Variants in MAGI2 observed in about 807,000 individuals in gnomAD.
MAGI2 encodes membrane-associated guanylate kinase, WW and PDZ domain-containing protein 2.
Under a neutral mutation model 133.3 loss-of-function variants are expected in MAGI2, and 35 were observed. The ratio of observed to expected loss-of-function variants is 0.26; its 90% CI spans 0.20 to 0.35. MAGI2 has a LOEUF of 0.35. MAGI2 is among the 10% of genes least tolerant of loss of function. The pLI is 1.00. For synonymous variants in MAGI2, 729 were observed against 710.6 expected (o/e 1.03, Z -0.41); for missense variants, 1,636 against 1,863.4 (o/e 0.88, Z 2.25).
At chr7:78,196,951 G>A (rs1828797346) in intron 11 of MAGI2, among the ~76,000 whole-genome samples, 1 of 152,212 alleles carries the variant, frequency 6.6e-6, no homozygotes, top group South Asian at 2.1e-4. Context: ...GCCAGTGGCA[G>A]ATCCTGGGTC....
rs10229592 is a variant in MAGI2 at position 78,870,063 on chromosome 7, T to C, written c.418+137027A>G. ...TTTGTTCTTTTTGCTTAGTCTTTCT[T>C]TGGCTGTGTGGGGTCTTTTTAGCTA... On this transcript the variant is annotated intron_variant, in intron 2 of 21. Transcript: ENST00000354212. 7.7e-3 allele frequency among the ~76,000 whole-genome samples: 1,170 copies of C among 152,210 alleles called. 20 individuals carry two copies. The highest frequency in any genetic ancestry group is 0.027 in the African/African-American group (1,105 of 41,514).
At chr7:78,478,543 T>C (rs945163323) in intron 6 of MAGI2, among the ~76,000 whole-genome samples, 6 of 152,028 alleles carry the variant, frequency 3.9e-5, no homozygotes, top group Admixed American at 3.9e-4. Context: ...GAGATAATGT[T>C]ACGTGAGAAT....
chr7:79,320,857 C>T (rs1207152078), intron 1 of MAGI2, among the ~76,000 whole-genome samples: 3 of 151,994 alleles, frequency 2.0e-5, no homozygotes, highest in Admixed American at 6.6e-5. Context: ...TTACTACAGA[C>T]CCAAGGCATT....
At chr7:78,649,735 T>A (rs145393862) in intron 2 of MAGI2, among the ~76,000 whole-genome samples, 400 of 152,236 alleles carry the variant, frequency 2.6e-3, no homozygotes, top group Non-Finnish European at 4.6e-3. Context: ...GTTATAGGTA[T>A]CAGGTCATAC....
intron 6 of MAGI2, among the ~76,000 whole-genome samples, chr7:78,404,725 T>G (rs1302010445): frequency 6.6e-6 from 1 of 151,958 alleles, no homozygotes; most frequent in African/African-American, 2.4e-5. Flanking sequence ...CCTAGAAGAA[T>G]ACCTAGGCAA....
chr7:79,402,206 T>C (rs746240778), intron 1 of MAGI2, among the ~76,000 whole-genome samples: 1 of 152,142 alleles, frequency 6.6e-6, no homozygotes, highest in Non-Finnish European at 1.5e-5. Context: ...TAAGATTATG[T>C]TTTAATGAAA....
At chr7:79,335,353 A>C (rs1359165683) in intron 1 of MAGI2, among the ~76,000 whole-genome samples, 1 of 152,082 alleles carries the variant, frequency 6.6e-6, no homozygotes, top group African/African-American at 2.4e-5. Context: ...AAAGGGAAAA[A>C]ATGCCTGCTG....
At chr7:78,538,950 A>T (rs1798186660) in intron 3 of MAGI2, among the ~76,000 whole-genome samples, 1 of 152,264 alleles carries the variant, frequency 6.6e-6, no homozygotes, top group South Asian at 2.1e-4. Flanking sequence ...AACATTGAAT[A>T]TAAGTGGCCT....
At chr7:79,098,098 G>A (rs1584923498) in intron 1 of MAGI2, among the ~76,000 whole-genome samples, 1 of 152,146 alleles carries the variant, frequency 6.6e-6, no homozygotes, top group Admixed American at 6.5e-5. Context: ...CTCCAGCCTG[G>A]GTGACAGAGA....
At chr7:78,056,638 G>C (rs1272222179) in intron 21 of MAGI2, among the ~76,000 whole-genome samples, 3 of 152,046 alleles carry the variant, frequency 2.0e-5, no homozygotes, top group South Asian at 2.1e-4. Context: ...GACAAATTGA[G>C]GGGGGAACAA....
chr7:78,639,967 C>T (rs143504683), intron 2 of MAGI2, among the ~76,000 whole-genome samples: 42 of 152,216 alleles, frequency 2.8e-4, no homozygotes, highest in Middle Eastern at 6.8e-3. Context: ...GATAAAAAAG[C>T]GGGGGTGCAG....
At chr7:78,385,907 C>A (rs1237390875) in intron 6 of MAGI2, among the ~76,000 whole-genome samples, 1 of 152,144 alleles carries the variant, frequency 6.6e-6, no homozygotes, top group Non-Finnish European at 1.5e-5. Flanking sequence ...ATATGAGCAT[C>A]CACTTCAAAT....
chr7:79,275,441 A>T (rs572244359), intron 1 of MAGI2, among the ~76,000 whole-genome samples: 1 of 152,348 alleles, frequency 6.6e-6, no homozygotes, highest in East Asian at 1.9e-4. Flanking sequence ...AGAAAGCTTA[A>T]GAAGAAAAGT....
intron 1 of MAGI2, among the ~76,000 whole-genome samples, chr7:79,122,853 A>C (rs564735062): frequency 6.6e-6 from 1 of 152,166 alleles, no homozygotes; most frequent in African/African-American, 2.4e-5. Flanking sequence ...CACCATGCCC[A>C]GCTAATTTTT....
intron 1 of MAGI2, among the ~76,000 whole-genome samples, chr7:79,226,091 A>G (rs908233859): frequency 2.0e-5 from 3 of 152,202 alleles, no homozygotes; most frequent in Non-Finnish European, 2.9e-5. Context: ...CAATCAAAGG[A>G]AAAAATTAAG....
intron 2 of MAGI2, among the ~76,000 whole-genome samples, chr7:78,767,256 C>T (rs923600613): frequency 2.6e-5 from 4 of 152,048 alleles, no homozygotes; most frequent in Non-Finnish European, 5.9e-5. Flanking sequence ...TCCAAAGTGC[C>T]AGGATTACAG....
chr7:78,070,450 A>G (rs1436852913), intron 21 of MAGI2, among the ~76,000 whole-genome samples: 1 of 147,466 alleles, frequency 6.8e-6, no homozygotes, highest in Non-Finnish European at 1.5e-5. Flanking sequence ...ATGTGTATAT[A>G]TATGTGTGTG....
intron 2 of MAGI2, among the ~76,000 whole-genome samples, chr7:78,728,841 A>AAAATT: frequency 8.0e-6 from 1 of 124,286 alleles, no homozygotes; most frequent in Non-Finnish European, 1.8e-5. Context: ...CTGGGATTAC[A>AAAATT]GGCGTGAGCC....
chr7:79,208,648 T>C (rs1829258440), intron 1 of MAGI2, among the ~76,000 whole-genome samples: 1 of 151,962 alleles, frequency 6.6e-6, no homozygotes, highest in Non-Finnish European at 1.5e-5. Flanking sequence ...AGAAATAGAA[T>C]TACCATATGA....
Sources: gnomAD v4.1 joint callset for allele counts (sites outside exome capture counted in the v4.1 genomes callset) on GRCh38, gnomAD v4.1.1 for gene constraint, MANE v1.5 for transcripts, NCBI Gene and HGNC (gene_info 2026-07-23, HGNC 2026-07-21) for gene names.